IQSEC3: variants seen among roughly 807,000 people sequenced by gnomAD.
The protein encoded by IQSEC3 is IQ motif and Sec7 domain ArfGEF 3, also known as IQ motif and SEC7 domain-containing protein 3.
Under a neutral mutation model 105.4 loss-of-function variants are expected in IQSEC3, and 50 were observed. The observed-to-expected ratio is 0.47, with a 90% CI of 0.38 to 0.60. The LOEUF is 0.60. Among genes scored for constraint, IQSEC3 ranks in the 20% least tolerant of loss-of-function variants. IQSEC3 has a pLI of 0.00. For missense variants in IQSEC3, 1,415 were observed against 1,630.0 expected (o/e 0.87, Z 2.27); for synonymous variants, 708 against 746.0 (o/e 0.95, Z 0.83).
At chr12:127,469 T>C (rs551753350) in intron 3 of IQSEC3, among the ~76,000 whole-genome samples, 4 of 152,060 alleles carry the variant, frequency 2.6e-5, no homozygotes, top group South Asian at 2.1e-4. Flanking sequence ...TGAGCCAAGA[T>C]TGCACCACAG....
chr12:156,510 G>A (rs886506922), intron 5 of IQSEC3, among the ~76,000 whole-genome samples: 38 of 152,150 alleles, frequency 2.5e-4, no homozygotes, highest in African/African-American at 8.4e-4. Flanking sequence ...GGGGGGAGCT[G>A]GGCTGCAGAA....
chr12:125,960 G>GT (rs112633842), intron 3 of IQSEC3, 48 bp downstream of exon 3: 109 of 1,507,702 alleles, frequency 7.2e-5, no homozygotes, highest in Non-Finnish European at 9.6e-5. Flanking sequence ...AAGGGGCCCT[G>GT]CTTTGGGGGC....
Position 163,609 on chromosome 12 carries a change from A to G in IQSEC3, c.2699A>G (p.Asp900Gly). 1 of 1,512,834 alleles carries G rather than the reference A, an allele frequency of 6.6e-7. No individual in the cohort carries two copies. Among genetic ancestry groups the G allele is most frequent in the Non-Finnish European group, 9.2e-7 (1 of 1,088,864 alleles). 93.7% of individuals were successfully genotyped at this position (1,512,834 alleles called of 1,614,324 possible). ...AHQREVFLFN[D>G]LLVILKLCPK... is the part of the protein sequence containing the mutation. The stretch of plus-strand genomic sequence containing the variant: ...CAGAGGGAGGTGTTCCTCTTCAATG[A>G]CCTGCTGGTGGTGAGTGGCCTCCGC... The change falls in exon 9 of 14, where the codon GAC (aspartate) becomes GGC (glycine). Residue 900 changes from aspartate to glycine, a missense_variant. Asp to Gly is a moderately conservative substitution (Grantham distance 94). Transcript: ENST00000538872.
chr12:161,799 C>A, intron 7 of IQSEC3, 127 bp from the exon 8 acceptor site: 2 of 850,508 alleles, frequency 2.4e-6, no homozygotes, highest in Non-Finnish European at 3.6e-6. Context: ...CCATTGAAGG[C>A]ATGGCAAGAA....
chr12:72,521 G>A (rs1446923213), intron 1 of IQSEC3, among the ~76,000 whole-genome samples: 1 of 136,854 alleles, frequency 7.3e-6, no homozygotes, highest in African/African-American at 2.5e-5. Flanking sequence ...AGCTTAGTAA[G>A]GAGTTCTTAG....
chr12:171,171 G>C lies in IQSEC3; in HGVS notation c.3114+10G>C. ...GGAGAGCACGGTGGAGGTAAGTGGA[G>C]CCCTGGTTGCCCAGGTGAGTGACTA... On this transcript the variant is annotated intron_variant, in intron 13 of 13. Transcript: ENST00000538872. The C allele has an allele frequency of 2.5e-6, 4 of 1,614,102 alleles. No individual in the cohort carries two copies. In the South Asian group the frequency reaches 4.4e-5, roughly 18 times the overall value.
chr12:113,314 G>A (rs1421591680), intron 2 of IQSEC3, among the ~76,000 whole-genome samples: 1 of 152,240 alleles, frequency 6.6e-6, no homozygotes, highest in African/African-American at 2.4e-5. Context: ...ACAGTCAGAA[G>A]GGCAAGAATC....
At chr12:72,294 C>A (rs114276185) in intron 1 of IQSEC3, among the ~76,000 whole-genome samples, 1,826 of 150,510 alleles carry the variant, frequency 0.012, 14 homozygotes, top group African/African-American at 0.041. Context: ...CAGCTGGGGT[C>A]GGGGCTGGGT....
At chr12:87,284 T>C (rs1291182031) in intron 1 of IQSEC3, among the ~76,000 whole-genome samples, 5 of 152,060 alleles carry the variant, frequency 3.3e-5, no homozygotes, top group African/African-American at 7.3e-5. Flanking sequence ...ATGGAGTCAT[T>C]TGGGCTTCCT....
In IQSEC3 at chr12:138,722, G is replaced by A. The variant is rs782598863; in HGVS notation, c.1359G>A (p.Gly453=). The A allele has an allele frequency of 2.7e-6, 4 of 1,500,762 alleles. No individual in the cohort carries two copies. Among genetic ancestry groups the A allele is most frequent in the Admixed American group, 2.3e-5 (1 of 44,384 alleles). The allele number at this position is 1,500,762 out of a possible 1,614,324, so 93.0% of individuals were successfully genotyped here. The change falls in exon 4 of 14, where the codon GGG becomes GGA. Residue 453 remains glycine (G), a synonymous_variant. Coordinates refer to ENST00000538872, the MANE Select transcript of IQSEC3 (RefSeq NM_001170738.2). The surrounding 1 kb of genome is among the most constrained non-coding windows in gnomAD (Gnocchi z 7.1). ...GGCCCCCAGGCCTGGAGGCCGAGGG[G>A]CGGGCGCCGGAGAGCGCGGGCCCCG... is the stretch of plus-strand genomic sequence containing the variant. ...AAGPPGLEAE[G]RAPESAGPGP... is the part of the protein sequence containing the mutation.
chr12:88,756 C>G (rs1471910547), intron 1 of IQSEC3, among the ~76,000 whole-genome samples: 1 of 152,182 alleles, frequency 6.6e-6, no homozygotes, highest in Non-Finnish European at 1.5e-5. Context: ...CAAAGGAAAT[C>G]TACCTCTCCC....
chr12:81,341 C>T (rs183412455), intron 1 of IQSEC3, among the ~76,000 whole-genome samples: 1 of 152,192 alleles, frequency 6.6e-6, no homozygotes, highest in African/African-American at 2.4e-5. Flanking sequence ...GCAGAGGGTG[C>T]TTAAAAGGAA....
intron 9 of IQSEC3, among the ~76,000 whole-genome samples, chr12:164,940 C>T (rs1330088832): frequency 2.0e-5 from 3 of 152,172 alleles, no homozygotes; most frequent in Non-Finnish European, 4.4e-5. Context: ...AGTTAAGGGC[C>T]AGGTTTGGGC....
At chr12:160,416 T>C (rs1866847694) in intron 7 of IQSEC3, among the ~76,000 whole-genome samples, 1 of 152,214 alleles carries the variant, frequency 6.6e-6, no homozygotes, top group South Asian at 2.1e-4. Flanking sequence ...TTCTGCCTGA[T>C]ACCCAGAAGA....
chr12:103,064 C>G (rs781805974), intron 2 of IQSEC3, among the ~76,000 whole-genome samples: 68 of 152,228 alleles, frequency 4.5e-4, no homozygotes, highest in Non-Finnish European at 4.3e-4. Context: ...GAAAAGATCG[C>G]CCCCTGGTCG....
At chr12:165,003 G>A (rs1178667364) in intron 9 of IQSEC3, among the ~76,000 whole-genome samples, 1 of 152,224 alleles carries the variant, frequency 6.6e-6, no homozygotes, top group East Asian at 1.9e-4. Context: ...TCTCTAAGGA[G>A]GTAGCATTTG....
rs1223652848 is a variant in IQSEC3 at position 139,128 on chromosome 12, G to A, written c.1765G>A (p.Ala589Thr). The A allele has an allele frequency of 1.3e-6, 2 of 1,519,354 alleles. No individual in the cohort carries two copies. Among genetic ancestry groups the A allele is most frequent in the East Asian group, 2.5e-5 (1 of 40,714 alleles). The allele number at this position is 1,519,354 out of a possible 1,614,324, so 94.1% of individuals were successfully genotyped here. A position where few individuals can be genotyped will look rare whatever the true frequency, so the allele number is the denominator to read the frequency against. The change falls in exon 4 of 14, where the codon GCC becomes ACC. Residue 589 changes from alanine (A) to threonine (T), a missense_variant. This residue lies in a region of IQSEC3 where 720 missense variants were observed against 633.0 expected (regional missense o/e 1.14). Transcript: ENST00000538872. The stretch of plus-strand genomic sequence containing the variant: ...GGCGGAGGTGGGGAGAGGGGCCGAG[G>A]CCGAGGCAGGCGACTTGGAGCAGCT... ...ETAEVGRGAE[A>T]EAGDLEQLSS...
intron 1 of IQSEC3, among the ~76,000 whole-genome samples, chr12:92,061 C>T (rs1351776851): frequency 6.6e-6 from 1 of 152,148 alleles, no homozygotes; most frequent in Non-Finnish European, 1.5e-5. Context: ...ATACTGGGCC[C>T]ACAGACTACC....
chr12:178,136 G>A lies in IQSEC3; in HGVS notation c.*3103G>A, dbSNP rs1237955276. 3 of 152,332 alleles carry A rather than the reference G, an allele frequency of 2.0e-5. No homozygotes were observed. The highest frequency in any genetic ancestry group is 7.3e-5 in the African/African-American group (3 of 41,372). The allele number at this position is 152,332 out of a possible 1,614,324, so 9.4% of individuals were successfully genotyped here. ...GCCTGCCTGCCTGCCCGTCTGCACA[G>A]GTGTCTTGATCCAGCCCTGCGTCTT... On this transcript the variant is annotated 3_prime_UTR_variant, in exon 14 of 14. Coordinates refer to ENST00000538872, the MANE Select transcript of IQSEC3 (RefSeq NM_001170738.2).
Sources: allele counts gnomAD v4.1 joint callset (sites outside exome capture counted in the v4.1 genomes callset), GRCh38; gene constraint gnomAD v4.1.1; regional missense constraint gnomAD v4.1.1; non-coding constraint Gnocchi (gnomAD v3.1); transcripts MANE v1.5; gene names NCBI Gene and HGNC (gene_info 2026-07-23, HGNC 2026-07-21).